DICER1: variants seen among roughly 807,000 people sequenced by gnomAD.
DICER1 encodes dicer 1, ribonuclease III, also known as endoribonuclease Dicer.
A neutral mutation model predicts 194.1 loss-of-function variants in DICER1; 43 were observed. That is an observed-to-expected ratio of 0.22 (90% CI 0.17 to 0.29). The LOEUF (loss-of-function observed/expected upper bound fraction) is 0.29. Ranked by LOEUF, DICER1 falls within the 10% of genes least tolerant of loss-of-function variation. The pLI, the probability that DICER1 is intolerant of heterozygous loss-of-function variation, is 1.00. For missense variants in DICER1, 1,608 were observed against 2,317.0 expected, an observed-to-expected ratio of 0.69 and a Z score of 6.28; for synonymous variants, 832 against 820.5, an observed-to-expected ratio of 1.01 and a Z score of -0.24.
chr14:95,093,453 T>A (rs142837847), intron 24 of DICER1, among the ~76,000 whole-genome samples: 168 of 152,334 alleles, frequency 1.1e-3, no homozygotes, highest in African/African-American at 3.8e-3. Context: ...CCACTTCAAG[T>A]AGAAGCAGAA....
chr14:95,090,209 A>G lies in DICER1; in HGVS notation c.*289T>C. ...ACAAAACCTGTCAATTATTTTGAGC[A>G]CTTGCTAAATGTCATCATTAAAGCA... On this transcript the variant is annotated 3_prime_UTR_variant, in exon 27 of 27. Transcript: ENST00000343455. 2.2e-6 allele frequency: 1 copy of G among 456,686 alleles called. No homozygotes were observed. The highest frequency in any genetic ancestry group is 2.4e-5 in the South Asian group (1 of 41,950). 28.3% of individuals were successfully genotyped at this position (456,686 alleles called of 1,614,324 possible).
intron 8 of DICER1, among the ~76,000 whole-genome samples, chr14:95,123,471 G>A (rs1029955657): frequency 6.6e-6 from 1 of 152,192 alleles, no homozygotes; most frequent in South Asian, 2.1e-4. Flanking sequence ...TGCCCAGGCT[G>A]GAGTGCAGTG....
At chr14:95,109,736 C>T (rs930727327) in intron 14 of DICER1, among the ~76,000 whole-genome samples, 2 of 152,158 alleles carry the variant, frequency 1.3e-5, no homozygotes, top group Admixed American at 6.5e-5. Context: ...ACTGCATAAG[C>T]AAAACCAAAG....
intron 1 of DICER1, among the ~76,000 whole-genome samples, chr14:95,145,413 C>CTG: frequency 6.6e-6 from 1 of 152,190 alleles, no homozygotes; most frequent in East Asian, 1.9e-4. Context: ...ACAAAAAATA[C>CTG]TGTGTACTAC....
At chr14:95,110,214 T>TA (rs1891832035) in intron 14 of DICER1, among the ~76,000 whole-genome samples, 1 of 152,190 alleles carries the variant, frequency 6.6e-6, no homozygotes, top group Admixed American at 6.5e-5. Flanking sequence ...GAGCTATAGA[T>TA]ACACTTAAGA....
chr14:95,133,858 T>C (rs1252442842), intron 1 of DICER1, among the ~76,000 whole-genome samples: 1 of 152,250 alleles, frequency 6.6e-6, no homozygotes, highest in East Asian at 1.9e-4. Context: ...ATGGAATACT[T>C]TGAATCCATT....
chr14:95,096,521 T>A lies in DICER1; in HGVS notation c.4399A>T (p.Ile1467Phe). 1 of 1,614,048 alleles carries A rather than the reference T, an allele frequency of 6.2e-7. No homozygotes were observed. Residue 1467 changes from isoleucine (I) to phenylalanine (F), a missense_variant, in exon 23 of 27, where the codon ATC (isoleucine) becomes TTC (phenylalanine). By Grantham distance (21) the Ile-to-Phe change is conservative (BLOSUM62 0). This residue lies in a region of DICER1 where 164 missense variants were observed against 183.7 expected (regional missense o/e 0.89). Coordinates refer to ENST00000343455, the MANE Select transcript of DICER1 (RefSeq NM_177438.3). ...GTGGTTGAAAAAGGAGAAAGAGAGATTTTCTTTACAAAAGCTCCTGACCCC... is the reference window on the plus strand; with the variant it reads ...GTGGTTGAAAAAGGAGAAAGAGAGAATTTCTTTACAAAAGCTCCTGACCCC... ...LMGSGAFVKK[I>F]SLSPFSTTDS... is the part of the protein sequence containing the mutation.
rs1366045824 is a variant in DICER1 at position 95,089,634 on chromosome 14, C to T, written c.*864G>A. ...TATGATAAAAAATATCCGTAGACTA[C>T]ATATTCTGGTTTTTAAAATGTCTTC... On this transcript the variant is annotated 3_prime_UTR_variant, in exon 27 of 27. Transcript: ENST00000343455. 1.3e-5 allele frequency: 3 copies of T among 231,272 alleles called. No homozygotes were observed. Among genetic ancestry groups the T allele is most frequent in the Non-Finnish European group, 2.6e-5 (3 of 116,986 alleles). 14.3% of individuals were successfully genotyped at this position (231,272 alleles called of 1,614,324 possible).
intron 6 of DICER1, among the ~76,000 whole-genome samples, chr14:95,127,106 T>C (rs1595450085): frequency 6.6e-6 from 1 of 152,170 alleles, no homozygotes; most frequent in East Asian, 1.9e-4. Context: ...ACAGGGAGGA[T>C]GACGAAGGAA....
chr14:95,151,027 C>A (rs1489299959), intron 1 of DICER1, among the ~76,000 whole-genome samples: 2 of 152,164 alleles, frequency 1.3e-5, no homozygotes, highest in East Asian at 1.9e-4. Context: ...CTGTGCCCAG[C>A]TGAAACCTGA....
rs1038672893 is a variant in DICER1, at chr14:95,112,978, G to C, written c.2040+114C>G. ...CTGTCAACACAAGGCTCCTGCTCAT[G>C]AAAGTAGATTTTAAAATCAAATTTA... On this transcript the variant is annotated intron_variant, in intron 12 of 26. Coordinates refer to ENST00000343455, the MANE Select transcript of DICER1 (RefSeq NM_177438.3). The C allele has an allele frequency of 7.5e-5, 87 of 1,159,286 alleles. No homozygotes were observed. The African/African-American group carries it at 7.5e-4, about 10-fold the overall frequency. The allele number at this position is 1,159,286 out of a possible 1,614,324, so 71.8% of individuals were successfully genotyped here. A position where few individuals can be genotyped will look rare whatever the true frequency, so the allele number is the denominator to read the frequency against.
chr14:95,128,208 T>C lies in DICER1; in HGVS notation c.734+1264A>G, dbSNP rs377435903. On this transcript the variant is annotated intron_variant, in intron 6 of 26. Transcript: ENST00000343455. ...AAATCTAGCAAAAACATATATACTA[T>C]AGTTCTTTTTTTCTTAACCCAAAAC... Among the ~76,000 whole-genome samples, 11 of 152,332 alleles carry C rather than the reference T, an allele frequency of 7.2e-5. 1 individual carries two copies. In the South Asian group the frequency reaches 2.1e-3, roughly 29 times the overall value.
At chr14:95,129,852 T>C (rs537063427) in intron 5 of DICER1, among the ~76,000 whole-genome samples, 1 of 152,320 alleles carries the variant, frequency 6.6e-6, no homozygotes, top group East Asian at 1.9e-4. Flanking sequence ...TTAGATACAC[T>C]ATGAAAATTA....
intron 1 of DICER1, among the ~76,000 whole-genome samples, chr14:95,138,982 T>G (rs903526348): frequency 1.3e-5 from 1 of 76,152 alleles, no homozygotes; most frequent in Non-Finnish European, 2.4e-5. Context: ...AAAATAAAAA[T>G]AAATAAAAAA....
intron 5 of DICER1, 52 bp downstream of exon 5, chr14:95,130,006 C>T (rs1893812954): frequency 6.4e-7 from 1 of 1,568,098 alleles, no homozygotes; most frequent in Non-Finnish European, 8.7e-7. Context: ...CAAAAATCTG[C>T]ATTTACTCAA....
chr14:95,156,228 C>T (rs1300158964), intron 1 of DICER1, among the ~76,000 whole-genome samples: 2 of 152,214 alleles, frequency 1.3e-5, no homozygotes, highest in Admixed American at 6.5e-5. Context: ...ACCACGAAGA[C>T]ACCTGACAAT....
Position 95,126,245 on chromosome 14 carries a change from C to CG in DICER1, c.903+334dup, listed in dbSNP as rs750797345. Among the ~76,000 whole-genome samples, 12 of 152,158 alleles carry CG rather than the reference C, an allele frequency of 7.9e-5. No individual in the cohort carries two copies. The East Asian group carries it at 1.9e-3, about 24-fold the overall frequency. On this transcript the variant is annotated intron_variant, in intron 7 of 26. Transcript: ENST00000343455. ...TCCAGTTACACACACTAGGAAACTGCGGAAGAATTTGTTTAATTCAAGGGT... is the reference window on the plus strand; with the variant it reads ...TCCAGTTACACACACTAGGAAACTGCGGGAAGAATTTGTTTAATTCAAGGGT...
chr14:95,119,909 T>C (rs533293119), intron 8 of DICER1, among the ~76,000 whole-genome samples: 2 of 152,242 alleles, frequency 1.3e-5, no homozygotes, highest in East Asian at 1.9e-4. Context: ...ACTCATGACA[T>C]AGGTAAATTC....
intron 9 of DICER1, among the ~76,000 whole-genome samples, chr14:95,117,129 A>G (rs1381889888): frequency 6.6e-6 from 1 of 152,212 alleles, no homozygotes; most frequent in East Asian, 1.9e-4. Context: ...CATCTTTACA[A>G]TGCTGTTTCC....
Sources: allele counts gnomAD v4.1 joint callset (sites outside exome capture counted in the v4.1 genomes callset), GRCh38; gene constraint gnomAD v4.1.1; regional missense constraint gnomAD v4.1.1; transcripts MANE v1.5; gene names NCBI Gene and HGNC (gene_info 2026-07-23, HGNC 2026-07-21).